Variants in PTCHD4 observed in about 807,000 individuals in gnomAD.
The protein encoded by PTCHD4 is patched domain containing 4.
In PTCHD4, 33 loss-of-function variants were observed where a neutral mutation model predicts 58.1. The ratio of observed to expected loss-of-function variants is 0.57; its 90% CI spans 0.43 to 0.76. The LOEUF (loss-of-function observed/expected upper bound fraction) is 0.76, where lower values mean the gene tolerates loss of function less well. Among genes scored for constraint, PTCHD4 ranks in the 30% least tolerant of loss-of-function variants. PTCHD4 has a pLI of 0.00. For missense variants in PTCHD4, 1,058 were observed against 1,027.1 expected (o/e 1.03, Z -0.41); for synonymous variants, 478 against 409.6 (o/e 1.17, Z -2.02).
intron 1 of PTCHD4, among the ~76,000 whole-genome samples, chr6:48,070,829 A>G (rs1189044262): frequency 6.6e-6 from 1 of 152,160 alleles, no homozygotes; most frequent in Non-Finnish European, 1.5e-5. Context: ...TTAGTGACAC[A>G]TGATGGGAAA....
intron 4 of PTCHD4, among the ~76,000 whole-genome samples, chr6:47,985,346 T>A (rs373960462): frequency 6.4e-4 from 97 of 152,234 alleles, no homozygotes; most frequent in African/African-American, 2.1e-3. Context: ...AGGACACAGA[T>A]GCAATTTTAT....
intron 4 of PTCHD4, among the ~76,000 whole-genome samples, chr6:47,944,910 G>A (rs374501845): frequency 6.6e-6 from 1 of 152,220 alleles, no homozygotes; most frequent in African/African-American, 2.4e-5. Flanking sequence ...ATATGCTAAT[G>A]GGTGTAGGGA....
At chr6:48,047,737 T>C (rs1021046505) in intron 3 of PTCHD4, among the ~76,000 whole-genome samples, 1 of 151,830 alleles carries the variant, frequency 6.6e-6, no homozygotes, top group Admixed American at 6.6e-5. Flanking sequence ...CCCTTGCCCC[T>C]TCTATCATGT....
intron 3 of PTCHD4, among the ~76,000 whole-genome samples, chr6:48,023,567 G>T (rs548811270): frequency 6.6e-6 from 1 of 152,164 alleles, no homozygotes; most frequent in East Asian, 1.9e-4. Context: ...CCTCCTAATT[G>T]TATCCCTTCT....
intron 1 of PTCHD4, among the ~76,000 whole-genome samples, chr6:48,097,493 C>T (rs1451778590): frequency 6.6e-6 from 1 of 152,060 alleles, no homozygotes; most frequent in Non-Finnish European, 1.5e-5. Context: ...GTAGCATGCT[C>T]ATTTTTTTTA....
At chr6:48,092,354 T>A (rs554804821) in intron 1 of PTCHD4, among the ~76,000 whole-genome samples, 1 of 152,296 alleles carries the variant, frequency 6.6e-6, no homozygotes, top group East Asian at 1.9e-4. Flanking sequence ...AAACTATCTA[T>A]TTTTTATTTT....
intron 1 of PTCHD4, among the ~76,000 whole-genome samples, chr6:48,106,856 T>C (rs1765737907): frequency 6.6e-6 from 1 of 152,200 alleles, no homozygotes; most frequent in Middle Eastern, 3.4e-3. Flanking sequence ...TCACAATTGC[T>C]TCAAAAGAAT....
intron 4 of PTCHD4, among the ~76,000 whole-genome samples, chr6:47,971,966 A>G (rs1379530986): frequency 6.6e-6 from 1 of 152,234 alleles, no homozygotes; most frequent in Non-Finnish European, 1.5e-5. Context: ...GGTTATTAAC[A>G]GAAAAGCAAG....
At chr6:48,092,413 C>A (rs1209507595) in intron 1 of PTCHD4, among the ~76,000 whole-genome samples, 2 of 152,220 alleles carry the variant, frequency 1.3e-5, no homozygotes, top group African/African-American at 4.8e-5. Flanking sequence ...GGGGATCCAT[C>A]GGCCAGTATT....
intron 4 of PTCHD4, among the ~76,000 whole-genome samples, chr6:47,902,960 T>A (rs1764761614): frequency 6.6e-6 from 1 of 152,232 alleles, no homozygotes; most frequent in African/African-American, 2.4e-5. Context: ...TTAGCACAGA[T>A]AATTTAAGCA....
intron 3 of PTCHD4, among the ~76,000 whole-genome samples, chr6:48,029,504 C>G (rs973266446): frequency 1.3e-5 from 2 of 152,002 alleles, no homozygotes; most frequent in Non-Finnish European, 2.9e-5. Context: ...TATGGCTTTT[C>G]TGCTTGAAAT....
At chr6:47,910,003 G>C (rs1202640121) in intron 4 of PTCHD4, among the ~76,000 whole-genome samples, 1 of 152,208 alleles carries the variant, frequency 6.6e-6, no homozygotes, top group South Asian at 2.1e-4. Context: ...GCTTTTAGGA[G>C]GTCATTAATA....
At chr6:48,090,563 T>C (rs1765344791) in intron 1 of PTCHD4, among the ~76,000 whole-genome samples, 1 of 151,940 alleles carries the variant, frequency 6.6e-6, no homozygotes. Context: ...AAGCCTATGA[T>C]TTTTTCTACA....
At chr6:47,913,643 G>C (rs893265305) in intron 4 of PTCHD4, among the ~76,000 whole-genome samples, 2 of 152,038 alleles carry the variant, frequency 1.3e-5, no homozygotes, top group African/African-American at 2.4e-5. Context: ...CTTTGAAAAG[G>C]ACTACCACTG....
chr6:48,093,379 G>A (rs986423345), intron 1 of PTCHD4, among the ~76,000 whole-genome samples: 3 of 152,072 alleles, frequency 2.0e-5, no homozygotes, highest in Non-Finnish European at 2.9e-5. Flanking sequence ...GCATTTTAAA[G>A]TATTATAGAA....
intron 4 of PTCHD4, among the ~76,000 whole-genome samples, chr6:48,006,424 T>C (rs891715089): frequency 2.0e-5 from 3 of 152,218 alleles, no homozygotes; most frequent in Admixed American, 6.5e-5. Context: ...AATGCTTTCA[T>C]TACCTAATTA....
Position 47,983,885 on chromosome 6 carries a change from T to G in PTCHD4, c.898+24749A>C, listed in dbSNP as rs200599115. The stretch of plus-strand genomic sequence containing the variant: ...AAACATTTGTCAGTAAACCAAATGG[T>G]ATTTAACCCAATCTTATGTAAATTC... On this transcript the variant is annotated intron_variant, in intron 4 of 4. Transcript: ENST00000339488. Among the ~76,000 whole-genome samples the G allele has an allele frequency of 1.9e-4, 29 of 152,316 alleles. No homozygotes were observed. In the East Asian group the frequency reaches 4.6e-3, roughly 24 times the overall value.
chr6:47,902,701 C>T (rs1581852273), intron 4 of PTCHD4, among the ~76,000 whole-genome samples: 2 of 152,114 alleles, frequency 1.3e-5, no homozygotes, highest in East Asian at 3.8e-4. Context: ...TAAATGAATT[C>T]ACGTTCTAAT....
In PTCHD4 at chr6:47,874,263, A is replaced by T. The variant is rs544498032; in HGVS notation, c.*4040T>A. Reference sequence around the variant, plus strand: ...CAATTCTTAAATTGCTTACCTGGGGATGGAACTTTCTGTGGACTTTAGGCC... The same window carrying T: ...CAATTCTTAAATTGCTTACCTGGGGTTGGAACTTTCTGTGGACTTTAGGCC... On this transcript the variant is annotated 3_prime_UTR_variant, in exon 5 of 5. Transcript: ENST00000339488. 3.3e-5 allele frequency among the ~76,000 whole-genome samples: 5 copies of T among 151,796 alleles called. No homozygotes were observed. Among genetic ancestry groups the T allele is most frequent in the Non-Finnish European group, 5.9e-5 (4 of 67,774 alleles).
Sources: gnomAD v4.1 joint callset for allele counts (sites outside exome capture counted in the v4.1 genomes callset) on GRCh38, gnomAD v4.1.1 for gene constraint, MANE v1.5 for transcripts, NCBI Gene and HGNC (gene_info 2026-07-23, HGNC 2026-07-21) for gene names.